The following FAM227B variants were observed in gnomAD, a reference collection of about 807,000 sequenced individuals.
FAM227B encodes the protein family with sequence similarity 227 member B.
FAM227B carries 88 observed loss-of-function variants against 73.8 expected under a neutral mutation model. The observed-to-expected ratio is 1.19, with a 90% confidence interval of 1.00 to 1.42. FAM227B has a LOEUF of 1.42. Ranked by LOEUF, FAM227B falls within the 40% of genes most tolerant of loss-of-function variation. The pLI, the probability that FAM227B is intolerant of heterozygous loss-of-function variation, is 0.00. For synonymous variants in FAM227B, 210 were observed against 190.5 expected (o/e 1.10, Z -0.84); for missense variants, 632 against 590.9 (o/e 1.07, Z -0.72).
intron 13 of FAM227B, among the ~76,000 whole-genome samples, chr15:49,344,791 G>A (rs1403200325): frequency 6.6e-6 from 1 of 152,122 alleles, no homozygotes; most frequent in Non-Finnish European, 1.5e-5. Context: ...AAAAGGTTCA[G>A]CAATCTTCCT....
intron 11 of FAM227B, among the ~76,000 whole-genome samples, chr15:49,419,454 T>C (rs2049443527): frequency 6.6e-6 from 1 of 152,200 alleles, no homozygotes; most frequent in Non-Finnish European, 1.5e-5. Context: ...TCCTTTCCAA[T>C]ATCTTTTTGA....
chr15:49,341,848 GT>G, intron 13 of FAM227B, among the ~76,000 whole-genome samples: 1 of 152,126 alleles, frequency 6.6e-6, no homozygotes, highest in Non-Finnish European at 1.5e-5. Context: ...CAATTGTGTG[GT>G]TTTGGGAAAT....
chr15:49,404,853 G>A (rs866531363), intron 11 of FAM227B, among the ~76,000 whole-genome samples: 1 of 150,846 alleles, frequency 6.6e-6, no homozygotes, highest in Non-Finnish European at 1.5e-5. Flanking sequence ...TTGTTTTATA[G>A]TGTCACTGAT....
At chr15:49,382,745 C>T (rs1013033808) in intron 11 of FAM227B, among the ~76,000 whole-genome samples, 1 of 152,068 alleles carries the variant, frequency 6.6e-6, no homozygotes, top group Non-Finnish European at 1.5e-5. Flanking sequence ...TGAAGATTCC[C>T]AGCTAGCTAT....
chr15:49,494,289 A>ACACACC (rs71432294), intron 11 of FAM227B, among the ~76,000 whole-genome samples: 4 of 144,372 alleles, frequency 2.8e-5, no homozygotes, highest in African/African-American at 9.9e-5. Flanking sequence ...ACACACACAC[A>ACACACC]CCCTAAACAT....
chr15:49,578,436 AC>A (rs1368397970), intron 5 of FAM227B, among the ~76,000 whole-genome samples: 2 of 151,698 alleles, frequency 1.3e-5, no homozygotes, highest in African/African-American at 4.8e-5. Context: ...TATATATAAA[AC>A]ATACATAATA....
chr15:49,497,408 A>C (rs1176065831), intron 11 of FAM227B, among the ~76,000 whole-genome samples: 1 of 152,198 alleles, frequency 6.6e-6, no homozygotes, highest in Non-Finnish European at 1.5e-5. Context: ...GCTCTCAGAT[A>C]CCATGAGCCA....
At chr15:49,475,869 T>C (rs1377516784) in intron 11 of FAM227B, among the ~76,000 whole-genome samples, 1 of 152,120 alleles carries the variant, frequency 6.6e-6, no homozygotes, top group Non-Finnish European at 1.5e-5. Context: ...ATGCCTGTAA[T>C]TGCAGCTACA....
At chr15:49,473,638 G>A (rs2054989313) in intron 11 of FAM227B, among the ~76,000 whole-genome samples, 1 of 152,042 alleles carries the variant, frequency 6.6e-6, no homozygotes, top group Non-Finnish European at 1.5e-5. Context: ...TTTATTTATG[G>A]AGCACTATTT....
At chr15:49,412,504 A>T (rs73398263) in intron 11 of FAM227B, among the ~76,000 whole-genome samples, 16,912 of 150,674 alleles carry the variant, frequency 0.11, 2,820 homozygotes, top group African/African-American at 0.37. Flanking sequence ...TATTCTTAAA[A>T]TTTTTTTTTT....
At chr15:49,336,036 G>C (rs538462429) in intron 13 of FAM227B, among the ~76,000 whole-genome samples, 24 of 152,126 alleles carry the variant, frequency 1.6e-4, no homozygotes, top group Admixed American at 2.6e-4. Context: ...TCAAACTCCT[G>C]GGCTCTAGCA....
chr15:49,534,153 T>C (rs558199550), intron 10 of FAM227B, among the ~76,000 whole-genome samples: 1 of 151,778 alleles, frequency 6.6e-6, no homozygotes, highest in Admixed American at 6.6e-5. Context: ...ATGAGAACCA[T>C]TTCAGGTACA....
chr15:49,407,277 T>C (rs569956150), intron 11 of FAM227B, among the ~76,000 whole-genome samples: 1 of 152,306 alleles, frequency 6.6e-6, no homozygotes, highest in African/African-American at 2.4e-5. Flanking sequence ...AGGCCCATGG[T>C]GAGAGCCGGT....
intron 11 of FAM227B, chr15:49,489,325 T>G: frequency 1.0e-6 from 1 of 981,604 alleles, no homozygotes; most frequent in Non-Finnish European, 1.2e-6. Flanking sequence ...GAGAAAGAGA[T>G]GAAATATGTA....
intron 1 of FAM227B, among the ~76,000 whole-genome samples, chr15:49,615,761 T>C (rs2078250012): frequency 6.6e-6 from 1 of 152,144 alleles, no homozygotes. Flanking sequence ...GGCTGGAAAA[T>C]ATATTCTGCT....
chr15:49,373,897 T>C (rs564127285), intron 11 of FAM227B, among the ~76,000 whole-genome samples: 2 of 152,276 alleles, frequency 1.3e-5, no homozygotes, highest in South Asian at 2.1e-4. Flanking sequence ...ATATATGTAA[T>C]TAAAATCAGA....
At chr15:49,477,233 T>G (rs1369881517) in intron 11 of FAM227B, among the ~76,000 whole-genome samples, 2 of 152,230 alleles carry the variant, frequency 1.3e-5, no homozygotes, top group Non-Finnish European at 2.9e-5. Context: ...TTGCTTTGTA[T>G]AGTTCTATGA....
intron 11 of FAM227B, among the ~76,000 whole-genome samples, chr15:49,476,259 A>G (rs934330439): frequency 3.9e-5 from 5 of 127,208 alleles, no homozygotes; most frequent in Non-Finnish European, 5.4e-5. Flanking sequence ...TTTGGCATAT[A>G]CTGCCAGGTA....
At position 49,588,011 on chromosome 15, in the gene FAM227B, C is replaced by CAT. The variant is rs756940782; in HGVS notation, c.405+3_405+4dup. On this transcript the variant is annotated splice_donor_region_variant and intron_variant, in intron 5 of 15. Transcript: ENST00000299338. ...TCAAGGATGATAAAAACATAGATAC[C>CAT]ATACCATTATCTTTTTTTTCTTATG... 2.2e-5 allele frequency: 32 copies of CAT among 1,444,434 alleles called. No homozygotes were observed. The Middle Eastern group carries it at 7.5e-4, about 34-fold the overall frequency. 89.5% of individuals were successfully genotyped at this position (1,444,434 alleles called of 1,614,324 possible).
Sources: allele counts gnomAD v4.1 joint callset (sites outside exome capture counted in the v4.1 genomes callset), GRCh38; gene constraint gnomAD v4.1.1; transcripts MANE v1.5; gene names NCBI Gene and HGNC (gene_info 2026-07-23, HGNC 2026-07-21).